The following IMMP1L variants were observed in gnomAD, a reference collection of about 807,000 sequenced individuals.
IMMP1L encodes inner mitochondrial membrane peptidase subunit 1, also known as mitochondrial inner membrane protease subunit 1.
In IMMP1L, 24 loss-of-function variants were observed where a neutral mutation model predicts 21.8. The ratio of observed to expected loss-of-function variants is 1.10; its 90% CI spans 0.80 to 1.55. The LOEUF (loss-of-function observed/expected upper bound fraction) is 1.55, where lower values mean the gene tolerates loss of function less well. Ranked by LOEUF, IMMP1L falls within the 40% of genes most tolerant of loss-of-function variation. The pLI is 0.00. For missense variants in IMMP1L, 195 were observed against 200.7 expected (o/e 0.97, Z 0.17); for synonymous variants, 46 against 62.8 (o/e 0.73, Z 1.26).
intron 1 of IMMP1L, among the ~76,000 whole-genome samples, chr11:31,472,251 C>A (rs149981038): frequency 3.8e-4 from 58 of 152,310 alleles, no homozygotes; most frequent in African/African-American, 1.2e-3. Context: ...ATTCTACCTA[C>A]CACACCAGGA....
At chr11:31,506,522 G>T (rs1955783063) in intron 1 of IMMP1L, among the ~76,000 whole-genome samples, 2 of 151,898 alleles carry the variant, frequency 1.3e-5, no homozygotes, top group South Asian at 4.1e-4. Flanking sequence ...GAGTCACTGT[G>T]CCCAGCCAAC....
intron 4 of IMMP1L, among the ~76,000 whole-genome samples, chr11:31,443,030 C>A (rs1000471776): frequency 6.6e-6 from 1 of 151,910 alleles, no homozygotes; most frequent in Non-Finnish European, 1.5e-5. Flanking sequence ...TCATTTTAGT[C>A]CAATAATTAA....
intron 2 of IMMP1L, among the ~76,000 whole-genome samples, chr11:31,462,790 G>A (rs1225137223): frequency 6.6e-6 from 1 of 152,090 alleles, no homozygotes; most frequent in East Asian, 1.9e-4. Flanking sequence ...TGTGTATAAT[G>A]GATTACTAGT....
chr11:31,440,700 T>A (rs1003316434), intron 4 of IMMP1L, among the ~76,000 whole-genome samples: 6 of 152,208 alleles, frequency 3.9e-5, no homozygotes, highest in African/African-American at 1.4e-4. Context: ...CTTAAAATAC[T>A]TTTTTAGCAT....
chr11:31,453,285 T>C (rs1006865729), intron 4 of IMMP1L, among the ~76,000 whole-genome samples: 3 of 152,246 alleles, frequency 2.0e-5, no homozygotes, highest in African/African-American at 7.2e-5. Context: ...TTCTTTGATA[T>C]GCTAAACTCT....
At chr11:31,480,775 A>AAAT (rs1226194753) in intron 1 of IMMP1L, among the ~76,000 whole-genome samples, 1 of 152,050 alleles carries the variant, frequency 6.6e-6, no homozygotes, top group African/African-American at 2.4e-5. Context: ...CACAAAAGCA[A>AAAT]AATAATAATA....
intron 1 of IMMP1L, among the ~76,000 whole-genome samples, chr11:31,493,721 TACA>T (rs1955332075): frequency 1.3e-5 from 2 of 152,292 alleles, no homozygotes; most frequent in Non-Finnish European, 2.9e-5. Flanking sequence ...ACTTCCTAGA[TACA>T]ACAAGGGTAC....
chr11:31,507,254 C>A (rs1368528265), intron 1 of IMMP1L, among the ~76,000 whole-genome samples: 1 of 151,280 alleles, frequency 6.6e-6, no homozygotes. Flanking sequence ...CACTCCAGCC[C>A]GGGGAACACA....
intron 3 of IMMP1L, among the ~76,000 whole-genome samples, chr11:31,458,506 T>A (rs1037266947): frequency 1.2e-4 from 19 of 152,086 alleles, no homozygotes; most frequent in African/African-American, 3.6e-4. Context: ...TGAAGAGACA[T>A]CCATGTGCTT....
chr11:31,472,326 T>A (rs755044985), intron 1 of IMMP1L, among the ~76,000 whole-genome samples: 2 of 152,190 alleles, frequency 1.3e-5, no homozygotes. Flanking sequence ...TATGGCATCA[T>A]CTTGAAACTG....
chr11:31,446,275 A>G (rs1377737455), intron 4 of IMMP1L, among the ~76,000 whole-genome samples: 4 of 152,116 alleles, frequency 2.6e-5, no homozygotes, highest in African/African-American at 7.2e-5. Context: ...CGATGTTATT[A>G]TCTCAGTTAT....
At chr11:31,454,033 A>T (rs1375958925) in intron 4 of IMMP1L, among the ~76,000 whole-genome samples, 2 of 152,058 alleles carry the variant, frequency 1.3e-5, no homozygotes, top group African/African-American at 4.8e-5. Flanking sequence ...AAATACTGTT[A>T]CCTACTCATC....
intron 4 of IMMP1L, among the ~76,000 whole-genome samples, chr11:31,437,804 ATAG>A (rs1436069066): frequency 1.3e-5 from 2 of 152,074 alleles, no homozygotes; most frequent in Non-Finnish European, 2.9e-5. Context: ...CTGTTACTAG[ATAG>A]TAGTTGTGCC....
intron 1 of IMMP1L, among the ~76,000 whole-genome samples, chr11:31,464,926 C>T (rs993396626): frequency 4.6e-5 from 7 of 151,880 alleles, no homozygotes; most frequent in Non-Finnish European, 7.4e-5. Flanking sequence ...AACATAGTAA[C>T]GGAAGTCACA....
chr11:31,478,413 T>G (rs1954791965), intron 1 of IMMP1L, among the ~76,000 whole-genome samples: 1 of 152,240 alleles, frequency 6.6e-6, no homozygotes, highest in Admixed American at 6.5e-5. Context: ...GTACATAGAT[T>G]ATGTCTAGAA....
At chr11:31,503,683 G>A (rs1434127875) in intron 1 of IMMP1L, among the ~76,000 whole-genome samples, 1 of 152,134 alleles carries the variant, frequency 6.6e-6, no homozygotes, top group Non-Finnish European at 1.5e-5. Context: ...TATAAACTCT[G>A]AACAATACAC....
intron 2 of IMMP1L, among the ~76,000 whole-genome samples, chr11:31,461,324 C>T (rs1275190369): frequency 6.6e-6 from 1 of 152,106 alleles, no homozygotes; most frequent in Non-Finnish European, 1.5e-5. Flanking sequence ...GGCATGGTGG[C>T]TCACACCTGT....
chr11:31,507,526 A>G (rs796160256), intron 1 of IMMP1L, among the ~76,000 whole-genome samples: 27 of 152,348 alleles, frequency 1.8e-4, no homozygotes, highest in African/African-American at 6.5e-4. Flanking sequence ...AGAAGCCTAT[A>G]AAAACGAATT....
intron 4 of IMMP1L, among the ~76,000 whole-genome samples, chr11:31,437,847 C>T (rs955421404): frequency 6.6e-6 from 1 of 152,052 alleles, no homozygotes; most frequent in Non-Finnish European, 1.5e-5. Flanking sequence ...AATGGAATTA[C>T]AAAGTACCTA....
Sources: allele counts gnomAD v4.1 joint callset (sites outside exome capture counted in the v4.1 genomes callset), GRCh38; gene constraint gnomAD v4.1.1; transcripts MANE v1.5; gene names NCBI Gene and HGNC (gene_info 2026-07-23, HGNC 2026-07-21).